CACNG2: variants seen among roughly 807,000 people sequenced by gnomAD.
The protein encoded by CACNG2 is voltage-dependent calcium channel gamma-2 subunit.
In CACNG2, 3 loss-of-function variants were observed where a neutral mutation model predicts 25.9. The observed-to-expected ratio is 0.12, with a 90% confidence interval of 0.05 to 0.30. The LOEUF (loss-of-function observed/expected upper bound fraction) is 0.30, where lower values mean the gene tolerates loss of function less well. CACNG2 is among the 10% of genes least tolerant of loss of function. The probability of loss-of-function intolerance (pLI) is 1.00; values close to 1 mark genes in which losing one functional copy is unlikely to be tolerated. For missense variants in CACNG2, 341 were observed against 432.5 expected, an observed-to-expected ratio of 0.79 and a Z score of 1.88; for synonymous variants, 167 against 173.3, an observed-to-expected ratio of 0.96 and a Z score of 0.29.
intron 1 of CACNG2, among the ~76,000 whole-genome samples, chr22:36,663,693 C>T (rs1936833409): frequency 6.6e-6 from 1 of 152,206 alleles, no homozygotes; most frequent in African/African-American, 2.4e-5. Flanking sequence ...GCAGAGTCCT[C>T]AGCATCCCTG....
chr22:36,638,441 C>T (rs914254016), intron 1 of CACNG2, among the ~76,000 whole-genome samples: 4 of 152,180 alleles, frequency 2.6e-5, no homozygotes, highest in African/African-American at 9.7e-5. Context: ...TTGCTTTGTC[C>T]ATGCTGAGCT....
In CACNG2 at chr22:36,692,313, G is replaced by A. The variant is rs569748220; in HGVS notation, c.211+10053C>T. 2.6e-5 allele frequency among the ~76,000 whole-genome samples: 4 copies of A among 152,206 alleles called. No homozygotes were observed. In the South Asian group the frequency reaches 6.2e-4, roughly 24 times the overall value. ...CCCAAGGTCAAAGAAGTTCAGGAGA[G>A]AGTGAATGAATATAGTGTCAGTAAG... On this transcript the variant is annotated intron_variant, in intron 1 of 3. Transcript: ENST00000300105.
intron 1 of CACNG2, among the ~76,000 whole-genome samples, chr22:36,615,249 C>T (rs1036647430): frequency 2.0e-4 from 30 of 152,314 alleles, no homozygotes; most frequent in African/African-American, 6.7e-4. Flanking sequence ...TAGTGATTGG[C>T]AGGAATCTCA....
At chr22:36,565,207 T>C (rs182753282) in intron 3 of CACNG2, among the ~76,000 whole-genome samples, 97 of 152,358 alleles carry the variant, frequency 6.4e-4, no homozygotes, top group Admixed American at 3.0e-3. Flanking sequence ...CTGCTTTCAC[T>C]GCTTGGTGCT....
chr22:36,576,549 C>T (rs2090049684), intron 2 of CACNG2, among the ~76,000 whole-genome samples: 1 of 145,890 alleles, frequency 6.9e-6, no homozygotes, highest in South Asian at 2.2e-4. Context: ...AAAAAAAAAA[C>T]ACTCCAAAAT....
intron 1 of CACNG2, among the ~76,000 whole-genome samples, chr22:36,616,698 C>T (rs947792085): frequency 3.9e-5 from 6 of 152,042 alleles, no homozygotes; most frequent in Non-Finnish European, 8.8e-5. Context: ...TTGCATCCTG[C>T]TTGCTTGGCT....
At chr22:36,600,774 C>A (rs775401172) in intron 1 of CACNG2, among the ~76,000 whole-genome samples, 5 of 152,112 alleles carry the variant, frequency 3.3e-5, no homozygotes, top group Non-Finnish European at 7.4e-5. Flanking sequence ...CTGGAACTCC[C>A]AACCTCAGGT....
At chr22:36,696,717 A>G (rs560983900) in intron 1 of CACNG2, among the ~76,000 whole-genome samples, 2 of 152,296 alleles carry the variant, frequency 1.3e-5, no homozygotes, top group South Asian at 4.1e-4. Context: ...ATAAAACAGC[A>G]AAGGGGGATG....
At chr22:36,681,139 A>G (rs1354977426) in intron 1 of CACNG2, among the ~76,000 whole-genome samples, 1 of 152,042 alleles carries the variant, frequency 6.6e-6, no homozygotes, top group African/African-American at 2.4e-5. Flanking sequence ...TAATCGATGG[A>G]TCATTTTCTT....
Position 36,564,214 on chromosome 22 carries a change from T to G in CACNG2, c.*137A>C. On this transcript the variant is annotated 3_prime_UTR_variant, in exon 4 of 4. Coordinates refer to ENST00000300105, the MANE Select transcript of CACNG2 (RefSeq NM_006078.5). The surrounding 1 kb of genome is among the most constrained non-coding windows in gnomAD (Gnocchi z 6.7). ...TTTTGTGTGTGTGTGTTTTTTTGTTTTTTGTTTTTTTGTTTTTTTTGTTTT... is the reference window on the plus strand; with the variant it reads ...TTTTGTGTGTGTGTGTTTTTTTGTTGTTTGTTTTTTTGTTTTTTTTGTTTT... 1.4e-6 allele frequency: 1 copy of G among 714,302 alleles called. No homozygotes were observed. Among genetic ancestry groups the G allele is most frequent in the Non-Finnish European group, 2.2e-6 (1 of 459,154 alleles). The allele number at this position is 714,302 out of a possible 1,614,324, so 44.2% of individuals were successfully genotyped here.
chr22:36,585,635 G>A (rs1362565306), intron 2 of CACNG2, among the ~76,000 whole-genome samples: 1 of 152,120 alleles, frequency 6.6e-6, no homozygotes. Context: ...GAGATTGCAT[G>A]GCCCACAAAG....
At chr22:36,668,150 G>A (rs905031388) in intron 1 of CACNG2, among the ~76,000 whole-genome samples, 3 of 152,162 alleles carry the variant, frequency 2.0e-5, no homozygotes, top group South Asian at 2.1e-4. Context: ...CCGGGCTCTC[G>A]GCTCCTCTCT....
chr22:36,593,062 G>A (rs187523205), intron 1 of CACNG2, among the ~76,000 whole-genome samples: 1 of 152,352 alleles, frequency 6.6e-6, no homozygotes, highest in African/African-American at 2.4e-5. Context: ...CCTTAACCCA[G>A]CCTTGGGGAG....
intron 1 of CACNG2, among the ~76,000 whole-genome samples, chr22:36,598,381 G>A (rs896093200): frequency 1.4e-4 from 21 of 152,210 alleles, no homozygotes; most frequent in African/African-American, 5.1e-4. Flanking sequence ...ACGTTGGGAG[G>A]CCGAGGTGGG....
At chr22:36,565,430 G>A (rs908586295) in intron 3 of CACNG2, among the ~76,000 whole-genome samples, 1 of 152,140 alleles carries the variant, frequency 6.6e-6, no homozygotes, top group Non-Finnish European at 1.5e-5. Context: ...TTAGGGCCAC[G>A]GAGAGGGTTA....
At chr22:36,582,627 T>A (rs1935438069) in intron 2 of CACNG2, among the ~76,000 whole-genome samples, 1 of 151,796 alleles carries the variant, frequency 6.6e-6, no homozygotes, top group Admixed American at 6.6e-5. Context: ...CAGGCTGGTC[T>A]CGAACTCCCA....
At chr22:36,569,747 C>T (rs193216815) in intron 2 of CACNG2, among the ~76,000 whole-genome samples, 2 of 152,258 alleles carry the variant, frequency 1.3e-5, no homozygotes, top group East Asian at 3.9e-4. Flanking sequence ...GCCATGTTGG[C>T]CAGGCTGGTC....
intron 1 of CACNG2, among the ~76,000 whole-genome samples, chr22:36,646,379 G>T (rs1261588383): frequency 6.6e-6 from 1 of 152,188 alleles, no homozygotes; most frequent in Non-Finnish European, 1.5e-5. Context: ...ACAAGACCTT[G>T]TCTGCGAGCT....
chr22:36,633,503 A>C (rs904486749), intron 1 of CACNG2, among the ~76,000 whole-genome samples: 1 of 152,192 alleles, frequency 6.6e-6, no homozygotes, highest in African/African-American at 2.4e-5. Context: ...AACGGATCCA[A>C]ACAGAATTAC....
Sources: allele counts gnomAD v4.1 joint callset (sites outside exome capture counted in the v4.1 genomes callset), GRCh38; gene constraint gnomAD v4.1.1; non-coding constraint Gnocchi (gnomAD v3.1); transcripts MANE v1.5; gene names NCBI Gene and HGNC (gene_info 2026-07-23, HGNC 2026-07-21).